Variants in MAGI3 observed in about 807,000 individuals in gnomAD.
The protein encoded by MAGI3 is membrane associated guanylate kinase, WW and PDZ domain containing 3.
MAGI3 carries 43 observed loss-of-function variants against 121.8 expected under a neutral mutation model. The observed-to-expected ratio is 0.35, with a 90% CI of 0.28 to 0.46. The LOEUF is 0.46. Among genes scored for constraint, MAGI3 ranks in the 20% least tolerant of loss-of-function variants. The pLI, the probability that MAGI3 is intolerant of heterozygous loss-of-function variation, is 1.00. For missense variants in MAGI3, 1,547 were observed against 1,797.3 expected (o/e 0.86, Z 2.52); for synonymous variants, 553 against 639.3 (o/e 0.86, Z 2.04).
At chr1:113,423,485 G>A (rs1371524298) in intron 1 of MAGI3, among the ~76,000 whole-genome samples, 1 of 151,998 alleles carries the variant, frequency 6.6e-6, no homozygotes, top group Non-Finnish European at 1.5e-5. Context: ...GTTAGCCAGG[G>A]TAGTCTTGAT....
chr1:113,518,381 G>T (rs1417435408), intron 1 of MAGI3, among the ~76,000 whole-genome samples: 2 of 152,028 alleles, frequency 1.3e-5, no homozygotes, highest in Admixed American at 6.6e-5. Flanking sequence ...TGAATATTAT[G>T]ATTTACCTCA....
At chr1:113,539,840 G>A (rs1406463556) in intron 1 of MAGI3, among the ~76,000 whole-genome samples, 1 of 149,926 alleles carries the variant, frequency 6.7e-6, no homozygotes, top group Non-Finnish European at 1.5e-5. Context: ...CCATGCTGGA[G>A]TGCAGTGGTG....
chr1:113,651,652 G>A (rs957207363), intron 14 of MAGI3, among the ~76,000 whole-genome samples: 3 of 151,930 alleles, frequency 2.0e-5, no homozygotes, highest in African/African-American at 4.8e-5. Flanking sequence ...ACCACCACAC[G>A]GCTAATTTTT....
At chr1:113,401,451 C>G (rs374669136) in intron 1 of MAGI3, among the ~76,000 whole-genome samples, 4 of 151,972 alleles carry the variant, frequency 2.6e-5, no homozygotes, top group African/African-American at 7.3e-5. Flanking sequence ...AATTGCTAAT[C>G]AAGCAGAAAG....
In MAGI3 at chr1:113,450,753, C is replaced by T. The variant is rs142269824; in HGVS notation, c.316+59404C>T. On this transcript the variant is annotated intron_variant, in intron 1 of 20. Transcript: ENST00000307546. ...TTCGAAAAACAGCAGAAAAGGGCTA[C>T]AGTTCTTAGTAGGAGAGAGAGCGAG... 515 of 913,400 alleles carry T rather than the reference C, an allele frequency of 5.6e-4. No individual in the cohort carries two copies. The African/African-American group carries it at 7.7e-3, about 14-fold the overall frequency. The allele number at this position is 913,400 out of a possible 1,614,324, so 56.6% of individuals were successfully genotyped here. A position where few individuals can be genotyped will look rare whatever the true frequency, so the allele number is the denominator to read the frequency against.
intron 2 of MAGI3, among the ~76,000 whole-genome samples, chr1:113,564,747 C>A (rs1356517668): frequency 6.6e-6 from 1 of 151,792 alleles, no homozygotes; most frequent in Non-Finnish European, 1.5e-5. Context: ...AAATAAATAC[C>A]AAATAAAAAT....
intron 6 of MAGI3, among the ~76,000 whole-genome samples, chr1:113,596,008 G>A (rs1391265195): frequency 1.3e-5 from 2 of 148,944 alleles, no homozygotes; most frequent in African/African-American, 5.0e-5. Context: ...TCCAGCCTGG[G>A]TGACAGAGTG....
chr1:113,525,612 T>C (rs1351443700), intron 1 of MAGI3, among the ~76,000 whole-genome samples: 1 of 152,032 alleles, frequency 6.6e-6, no homozygotes, highest in Non-Finnish European at 1.5e-5. Flanking sequence ...GGCTACATTT[T>C]ATTATTTAAT....
At chr1:113,513,432 T>C (rs1657720616) in intron 1 of MAGI3, among the ~76,000 whole-genome samples, 1 of 152,074 alleles carries the variant, frequency 6.6e-6, no homozygotes, top group Non-Finnish European at 1.5e-5. Flanking sequence ...AACAAAGATA[T>C]AGATCAATGG....
intron 15 of MAGI3, among the ~76,000 whole-genome samples, chr1:113,656,572 C>T (rs1167777961): frequency 6.6e-6 from 1 of 152,172 alleles, no homozygotes; most frequent in South Asian, 2.1e-4. Flanking sequence ...TGCCAACACA[C>T]CTGGCTAATT....
intron 6 of MAGI3, among the ~76,000 whole-genome samples, chr1:113,598,625 A>G (rs1649170672): frequency 1.3e-5 from 2 of 152,146 alleles, no homozygotes; most frequent in Non-Finnish European, 2.9e-5. Flanking sequence ...CAACAAGAAG[A>G]TATTGCAATA....
chr1:113,419,518 T>C (rs190471138), intron 1 of MAGI3, among the ~76,000 whole-genome samples: 1 of 152,214 alleles, frequency 6.6e-6, no homozygotes, highest in Admixed American at 6.5e-5. Flanking sequence ...TTAGGCATCT[T>C]TGTTGGAGAG....
chr1:113,461,727 T>G (rs1296056381), intron 1 of MAGI3, among the ~76,000 whole-genome samples: 2 of 152,190 alleles, frequency 1.3e-5, no homozygotes, highest in Non-Finnish European at 1.5e-5. Flanking sequence ...ACAAGTGAGA[T>G]CTAATTAAAC....
At chr1:113,672,529 C>G (rs1283599729) in intron 17 of MAGI3, 86 bp from the exon 18 acceptor site, 19 of 1,446,966 alleles carry the variant, frequency 1.3e-5, no homozygotes, top group Admixed American at 1.1e-4. Flanking sequence ...CAAGGTCGAG[C>G]TTTTAAAAGA....
At chr1:113,468,588 T>C (rs1655400021) in intron 1 of MAGI3, among the ~76,000 whole-genome samples, 1 of 152,096 alleles carries the variant, frequency 6.6e-6, no homozygotes, top group South Asian at 2.1e-4. Context: ...AAGAATTGGG[T>C]AGATCAGAGT....
At chr1:113,465,218 A>T (rs148273391) in intron 1 of MAGI3, among the ~76,000 whole-genome samples, 1 of 152,150 alleles carries the variant, frequency 6.6e-6, no homozygotes, top group Non-Finnish European at 1.5e-5. Flanking sequence ...TCTTCTGCAT[A>T]TGGTTAATCC....
chr1:113,538,478 CTGATG>C (rs1659108581), intron 1 of MAGI3, among the ~76,000 whole-genome samples: 1 of 152,140 alleles, frequency 6.6e-6, no homozygotes, highest in African/African-American at 2.4e-5. Context: ...CTAATGATTC[CTGATG>C]TGAGCGTCAC....
chr1:113,414,363 G>C (rs1652185026), intron 1 of MAGI3, among the ~76,000 whole-genome samples: 1 of 152,142 alleles, frequency 6.6e-6, no homozygotes, highest in African/African-American at 2.4e-5. Flanking sequence ...TCTCTGCCAG[G>C]CTTTGGTATC....
At chr1:113,513,072 A>G (rs1353043695) in intron 1 of MAGI3, among the ~76,000 whole-genome samples, 1 of 152,210 alleles carries the variant, frequency 6.6e-6, no homozygotes. Flanking sequence ...CTTACAAGGG[A>G]CATGAAGGAC....
Sources: gnomAD v4.1 joint callset for allele counts (sites outside exome capture counted in the v4.1 genomes callset) on GRCh38, gnomAD v4.1.1 for gene constraint, MANE v1.5 for transcripts, NCBI Gene and HGNC (gene_info 2026-07-23, HGNC 2026-07-21) for gene names.